The following EQTN variants were observed in gnomAD, a reference collection of about 807,000 sequenced individuals.
EQTN encodes the protein equatorin, also known as Acrosome formation associated factor.
Under a neutral mutation model 26.9 loss-of-function variants are expected in EQTN, and 29 were observed. The ratio of observed to expected loss-of-function variants is 1.08; its 90% CI spans 0.80 to 1.47. EQTN has a LOEUF of 1.47. Ranked by LOEUF, EQTN falls within the 40% of genes most tolerant of loss-of-function variation. The pLI is 0.00. For missense variants in EQTN, 391 were observed against 346.1 expected, an observed-to-expected ratio of 1.13 and a Z score of -1.03; for synonymous variants, 129 against 120.0, an observed-to-expected ratio of 1.07 and a Z score of -0.49.
chr9:27,291,272 G>C (rs1159726438), intron 4 of EQTN, among the ~76,000 whole-genome samples: 1 of 152,210 alleles, frequency 6.6e-6, no homozygotes, highest in Non-Finnish European at 1.5e-5. Context: ...TTTGGCTGCA[G>C]ACAAGAATCA....
intron 3 of EQTN, among the ~76,000 whole-genome samples, chr9:27,293,712 T>C (rs997546682): frequency 6.6e-6 from 1 of 152,206 alleles, no homozygotes; most frequent in Admixed American, 6.5e-5. Context: ...CAAGATGTTG[T>C]TTGTTGTGGA....
chr9:27,295,855 C>CAAAAAAAAAAA (rs1820331249), intron 2 of EQTN, among the ~76,000 whole-genome samples: 1 of 79,932 alleles, frequency 1.3e-5, no homozygotes, highest in African/African-American at 4.2e-5. Flanking sequence ...AAAAAAAAAA[C>CAAAAAAAAAAA]AACGATAAAA....
intron 1 of EQTN, 80 bp from the exon 2 acceptor site, chr9:27,296,818 T>C: frequency 6.4e-7 from 1 of 1,574,244 alleles, no homozygotes; most frequent in Non-Finnish European, 8.6e-7. Flanking sequence ...TGCATTTTTT[T>C]CACAAAGGAT....
rs1820087726 is a variant in EQTN, at chr9:27,284,986, G to C, written c.636-14C>G. The C allele has an allele frequency of 6.2e-7, 1 of 1,600,402 alleles. No individual in the cohort carries two copies. Among genetic ancestry groups the C allele is most frequent in the East Asian group, 2.2e-5 (1 of 44,726 alleles). ...CAACTTTTATAACTGAAGAAGAAAA[G>C]AACATATATCAAGAATTGTTTTTAA... On this transcript the variant is annotated splice_polypyrimidine_tract_variant and intron_variant, in intron 7 of 7. Transcript: ENST00000380032.
intron 7 of EQTN, 116 bp from the exon 8 acceptor site, chr9:27,285,088 C>T: frequency 4.1e-6 from 2 of 489,360 alleles, no homozygotes; most frequent in South Asian, 5.1e-5. Context: ...GTGTTAGTTA[C>T]TTAGTAACAT....
At chr9:27,285,096 C>CT in intron 7 of EQTN, 124 bp from the exon 8 acceptor site, 1 of 326,526 alleles carries the variant, frequency 3.1e-6, no homozygotes, top group Non-Finnish European at 5.7e-6. Flanking sequence ...TACTTAGTAA[C>CT]ATTATGTGAA....
chr9:27,289,401 T>A (rs78664352), intron 6 of EQTN, among the ~76,000 whole-genome samples: 1,523 of 152,294 alleles, frequency 0.01, 27 homozygotes, highest in African/African-American at 0.034. Context: ...GACACTAAGA[T>A]GTGTAAGAGT....
chr9:27,292,666 G>A (rs930862229), intron 3 of EQTN, among the ~76,000 whole-genome samples, 179 bp from the exon 4 acceptor site: 7 of 152,164 alleles, frequency 4.6e-5, no homozygotes, highest in African/African-American at 1.2e-4. Flanking sequence ...AGGTATTGAA[G>A]AATAAAGTTT....
At chr9:27,293,582 AG>A (rs1291869009) in intron 3 of EQTN, among the ~76,000 whole-genome samples, 1 of 152,086 alleles carries the variant, frequency 6.6e-6, no homozygotes, top group Non-Finnish European at 1.5e-5. Flanking sequence ...AATAAAAGTG[AG>A]GGTTTCGCAG....
At chr9:27,288,656 A>G (rs2131305248) in intron 6 of EQTN, among the ~76,000 whole-genome samples, 1 of 152,358 alleles carries the variant, frequency 6.6e-6, no homozygotes, top group South Asian at 2.1e-4. Context: ...GTGCATTCAT[A>G]CAATGGAATA....
chr9:27,292,277 G>T (rs1488092851), intron 4 of EQTN, 124 bp downstream of exon 4: 20 of 508,558 alleles, frequency 3.9e-5, no homozygotes, highest in Non-Finnish European at 6.8e-5. Context: ...GACTTTAAAA[G>T]GTAGCAGTAT....
intron 6 of EQTN, among the ~76,000 whole-genome samples, chr9:27,288,567 A>G (rs1191779967): frequency 6.6e-6 from 1 of 152,180 alleles, no homozygotes; most frequent in Admixed American, 6.5e-5. Context: ...CCTGCACACA[A>G]GTGTTTACAA....
intron 6 of EQTN, among the ~76,000 whole-genome samples, chr9:27,288,012 G>C (rs903988447): frequency 2.0e-5 from 3 of 152,046 alleles, no homozygotes; most frequent in Non-Finnish European, 4.4e-5. Flanking sequence ...CACCATGTTG[G>C]CCAGGCTTGT....
At position 27,294,377 on chromosome 9, in the gene EQTN, A is replaced by C; in HGVS notation, c.228T>G (p.Asn76Lys). The C allele has an allele frequency of 1.2e-6, 2 of 1,610,416 alleles. No homozygotes were observed. The highest frequency in any genetic ancestry group is 1.7e-6 in the Non-Finnish European group (2 of 1,177,632). The change falls in exon 3 of 8, where the codon AAT becomes AAG. Residue 76 changes from asparagine (N) to lysine (K), a missense_variant. Physicochemically the swap from Asn to Lys is moderately conservative, Grantham distance 94. Coordinates refer to ENST00000380032, the MANE Select transcript of EQTN (RefSeq NM_020641.3). ...TCACAGATATTTCAGACTCAGTGCC[A>C]TTTGGATTTTGTGTTGTGAACACAT... is the stretch of plus-strand genomic sequence containing the variant. ...KQYVFTTQNP[N>K]GTESEISVRA...
chr9:27,292,667 A>G (rs943462574), intron 3 of EQTN, among the ~76,000 whole-genome samples, 180 bp from the exon 4 acceptor site: 1 of 152,208 alleles, frequency 6.6e-6, no homozygotes, highest in African/African-American at 2.4e-5. Context: ...GGTATTGAAG[A>G]ATAAAGTTTT....
chr9:27,297,030 A>T lies in EQTN; in HGVS notation c.26T>A (p.Ile9Lys). 1 of 1,610,436 alleles carries T rather than the reference A, an allele frequency of 6.2e-7. No individual in the cohort carries two copies. Among genetic ancestry groups the T allele is most frequent in the South Asian group, 1.1e-5 (1 of 90,854 alleles). The change falls in exon 1 of 8, where the codon ATA becomes AAA. Residue 9 changes from isoleucine (I) to lysine (K), a missense_variant. Coordinates refer to ENST00000380032, the MANE Select transcript of EQTN (RefSeq NM_020641.3). The part of the protein sequence containing the change: MNFILFIF[I>K]PGVFSLKSST... ...ACTTTTTAAGGAAAAAACTCCAGGT[A>T]TAAAAATAAACAATATAAAATTCAT...
chr9:27,296,484 G>A, intron 2 of EQTN, 129 bp downstream of exon 2: 1 of 655,554 alleles, frequency 1.5e-6, no homozygotes, highest in Non-Finnish European at 2.5e-6. Flanking sequence ...TGAACAGGCA[G>A]GTCACAGAAG....
rs779336444 is a variant in EQTN, at chr9:27,292,488, C to G, written c.290-1G>C. 2.5e-6 allele frequency: 4 copies of G among 1,585,248 alleles called. No homozygotes were observed. Among genetic ancestry groups the G allele is most frequent in the South Asian group, 2.3e-5 (2 of 87,544 alleles). On this transcript the variant is annotated splice_acceptor_variant, in intron 3 of 7. Transcript: ENST00000380032. LOFTEE classifies it high-confidence loss of function. ...TATGTAGTTGCATTGACAGTTTTATCTAGGAAAAGGGAAAAAGAATTATCA... is the reference window on the plus strand; with the variant it reads ...TATGTAGTTGCATTGACAGTTTTATGTAGGAAAAGGGAAAAAGAATTATCA...
intron 6 of EQTN, among the ~76,000 whole-genome samples, chr9:27,288,032 C>T (rs1820156750): frequency 6.6e-6 from 1 of 152,176 alleles, no homozygotes; most frequent in Admixed American, 6.5e-5. Flanking sequence ...TCTCGAACTC[C>T]TGACCTCAGG....
Sources: gnomAD v4.1 joint callset for allele counts (sites outside exome capture counted in the v4.1 genomes callset) on GRCh38, gnomAD v4.1.1 for gene constraint, MANE v1.5 for transcripts, NCBI Gene and HGNC (gene_info 2026-07-23, HGNC 2026-07-21) for gene names.